SYNE3: variants seen among roughly 807,000 people sequenced by gnomAD.
SYNE3 encodes nesprin-3.
Under a neutral mutation model 111.2 loss-of-function variants are expected in SYNE3, and 100 were observed. The observed-to-expected ratio is 0.90, with a 90% confidence interval of 0.77 to 1.06. The LOEUF is 1.06. Among genes scored for constraint, SYNE3 ranks in the 50% least tolerant of loss-of-function variants. The probability of loss-of-function intolerance (pLI) is 0.00; values close to 1 mark genes in which losing one functional copy is unlikely to be tolerated. For synonymous variants in SYNE3, 547 were observed against 533.9 expected, an observed-to-expected ratio of 1.02 and a Z score of -0.34; for missense variants, 1,160 against 1,240.3, an observed-to-expected ratio of 0.94 and a Z score of 0.97.
intron 1 of SYNE3, among the ~76,000 whole-genome samples, chr14:95,502,269 AC>A (rs1185324256): frequency 4.5e-5 from 1 of 22,386 alleles, no homozygotes; most frequent in African/African-American, 1.8e-4. Flanking sequence ...CTGACCCCCC[AC>A]CCCCACCCCC....
chr14:95,439,350 C>T (rs115413052), intron 13 of SYNE3, among the ~76,000 whole-genome samples, 188 bp from the exon 14 acceptor site: 8 of 152,236 alleles, frequency 5.3e-5, no homozygotes, highest in South Asian at 2.1e-4. Context: ...CTGTCATGAA[C>T]GTGCGTACGC....
At chr14:95,510,410 G>A (rs1890679871) in intron 1 of SYNE3, among the ~76,000 whole-genome samples, 1 of 152,202 alleles carries the variant, frequency 6.6e-6, no homozygotes, top group Non-Finnish European at 1.5e-5. Context: ...CTGGAACACA[G>A]GTCTCTTTGA....
chr14:95,505,641 G>GT (rs149253871), intron 1 of SYNE3, among the ~76,000 whole-genome samples: 4,543 of 149,444 alleles, frequency 0.03, 194 homozygotes, highest in African/African-American at 0.097. Flanking sequence ...TTTAAAAGAA[G>GT]TTTTTTTTTT....
At chr14:95,420,729 T>TAC (rs763549107) in intron 17 of SYNE3, among the ~76,000 whole-genome samples, 35 of 149,396 alleles carry the variant, frequency 2.3e-4, no homozygotes, top group Non-Finnish European at 1.8e-4. Context: ...CACACACACA[T>TAC]ACACACACAC....
At chr14:95,455,063 G>A (rs190258798) in intron 6 of SYNE3, among the ~76,000 whole-genome samples, 7 of 152,282 alleles carry the variant, frequency 4.6e-5, no homozygotes, top group African/African-American at 1.4e-4. Flanking sequence ...CACTGGGCAG[G>A]AGAGTAGCTT....
intron 1 of SYNE3, among the ~76,000 whole-genome samples, chr14:95,479,546 C>T (rs1432741964): frequency 1.3e-5 from 2 of 152,052 alleles, no homozygotes; most frequent in Non-Finnish European, 2.9e-5. Flanking sequence ...ACTGGGTTAC[C>T]AGCTGATAGA....
chr14:95,499,838 T>C (rs1050163283), intron 1 of SYNE3, among the ~76,000 whole-genome samples: 16 of 146,310 alleles, frequency 1.1e-4, no homozygotes, highest in African/African-American at 4.0e-4. Flanking sequence ...AAGAATCCCC[T>C]GTATCACTAA....
At chr14:95,426,329 C>T (rs1885425981) in intron 17 of SYNE3, among the ~76,000 whole-genome samples, 1 of 152,176 alleles carries the variant, frequency 6.6e-6, no homozygotes, top group Admixed American at 6.5e-5. Flanking sequence ...TAGCAAAGCC[C>T]AGGCCTTTAG....
intron 5 of SYNE3, among the ~76,000 whole-genome samples, 165 bp downstream of exon 5, chr14:95,457,012 G>A (rs1342643210): frequency 6.6e-6 from 1 of 150,812 alleles, no homozygotes; most frequent in African/African-American, 2.4e-5. Flanking sequence ...GTGAACCCAG[G>A]AGGTGGAGCT....
chr14:95,408,545 G>A lies in SYNE3; in HGVS notation c.*9281C>T, dbSNP rs958666813. On this transcript the variant is annotated 3_prime_UTR_variant, in exon 18 of 18. Coordinates refer to ENST00000682763, the MANE Select transcript of SYNE3 (RefSeq NM_152592.6). ...CTCTGGACTTTGGGTAAAACGTCCT[G>A]AGCCCGATGTGGTCTCCCTGGCTTC... The A allele has an allele frequency of 6.5e-6, 1 of 153,672 alleles. No individual in the cohort carries two copies. The highest frequency in any genetic ancestry group is 1.4e-5 in the Non-Finnish European group (1 of 69,078). 9.5% of individuals were successfully genotyped at this position (153,672 alleles called of 1,614,324 possible). A position where few individuals can be genotyped will look rare whatever the true frequency, so the allele number is the denominator to read the frequency against.
chr14:95,436,795 G>A, intron 15 of SYNE3, 25 bp downstream of exon 15: 5 of 1,612,112 alleles, frequency 3.1e-6, no homozygotes, highest in Non-Finnish European at 4.2e-6. Flanking sequence ...CCTTATGGAT[G>A]AGGGACCTTT....
Position 95,476,630 on chromosome 14 carries a change from C to T in SYNE3, c.-14-795G>A, listed in dbSNP as rs571485148. Among the ~76,000 whole-genome samples, 6 of 152,348 alleles carry T rather than the reference C, an allele frequency of 3.9e-5. 1 individual carries two copies. In the South Asian group the frequency reaches 1.0e-3, roughly 26 times the overall value. ...TGACTTTCTTAAAATCCCAGTTAGT[C>T]CAGGCAAAACTCTTCTGTATTCCAG... On this transcript the variant is annotated intron_variant, in intron 1 of 17. Coordinates refer to ENST00000682763, the MANE Select transcript of SYNE3 (RefSeq NM_152592.6).
At chr14:95,481,557 C>A (rs544229257) in intron 1 of SYNE3, among the ~76,000 whole-genome samples, 1 of 152,332 alleles carries the variant, frequency 6.6e-6, no homozygotes, top group East Asian at 1.9e-4. Flanking sequence ...CTGCAGGAGA[C>A]ACCACCCAGG....
At chr14:95,457,511 C>G (rs1396039529) in intron 4 of SYNE3, among the ~76,000 whole-genome samples, 173 bp from the exon 5 acceptor site, 1 of 152,192 alleles carries the variant, frequency 6.6e-6, no homozygotes, top group Non-Finnish European at 1.5e-5. Flanking sequence ...ATACTCTGTT[C>G]TGCCTTACAA....
At chr14:95,449,350 G>C in intron 8 of SYNE3, 1 of 836,470 alleles carries the variant, frequency 1.2e-6, no homozygotes, top group Non-Finnish European at 1.4e-6. Context: ...GGAGTGTGCG[G>C]GTGTCAGGGG....
chr14:95,466,961 G>A lies in SYNE3; in HGVS notation c.318-721C>T, dbSNP rs183565318. On this transcript the variant is annotated intron_variant, in intron 3 of 17. Coordinates refer to ENST00000682763, the MANE Select transcript of SYNE3 (RefSeq NM_152592.6). ...TGGGCTCGTTGCACCCAATGGGGAC[G>A]GAAGGCTGGGAGCCTGCGTGTGCGT... Among the ~76,000 whole-genome samples, 480 of 152,330 alleles carry A rather than the reference G, an allele frequency of 3.2e-3. 1 individual carries two copies. The highest frequency in any genetic ancestry group is 5.1e-3 in the Non-Finnish European group (344 of 68,030).
In SYNE3 at chr14:95,441,512, C is replaced by G. The variant is rs137966248; in HGVS notation, c.1912-1437G>C. ...TACCAAAATAATAAAAGGGCAATTT[C>G]TCTTTAAAGAAGAATATAAACAATC... is the stretch of plus-strand genomic sequence containing the variant. On this transcript the variant is annotated intron_variant, in intron 11 of 17. Transcript: ENST00000682763. Among the ~76,000 whole-genome samples, 175 of 152,344 alleles carry G rather than the reference C, an allele frequency of 1.1e-3. 1 individual carries two copies. The highest frequency in any genetic ancestry group is 0.01 in the Middle Eastern group (3 of 294).
chr14:95,475,031 A>T (rs576585356), intron 2 of SYNE3, among the ~76,000 whole-genome samples: 1 of 152,356 alleles, frequency 6.6e-6, no homozygotes, highest in East Asian at 1.9e-4. Flanking sequence ...ATCAGCAAGG[A>T]GATTATAACT....
rs116428445 is a variant in SYNE3, at chr14:95,439,995, G to A, written c.1992C>T (p.Ile664=). 1.7e-5 allele frequency: 28 copies of A among 1,613,338 alleles called. No homozygotes were observed. Among genetic ancestry groups the A allele is most frequent in the South Asian group, 3.3e-5 (3 of 91,084 alleles). ...SHQLLELRQW[I]VVTTQKLEAH... The stretch of plus-strand genomic sequence containing the variant: ...CCTCCAGCTTTTGCGTGGTCACAAC[G>A]ATCCACTGCCGCAGCTCCAGCAGCT... Residue 664 remains isoleucine (I), a synonymous_variant, in exon 12 of 18, where the codon ATC becomes ATT. Transcript: ENST00000682763.
Sources: gnomAD v4.1 joint callset for allele counts (sites outside exome capture counted in the v4.1 genomes callset) on GRCh38, gnomAD v4.1.1 for gene constraint, MANE v1.5 for transcripts, NCBI Gene and HGNC (gene_info 2026-07-23, HGNC 2026-07-21) for gene names.